CDH20: variants seen among roughly 807,000 people sequenced by gnomAD.
CDH20 encodes the protein cadherin 20.
A neutral mutation model predicts 74.2 loss-of-function variants in CDH20; 29 were observed. The ratio of observed to expected loss-of-function variants is 0.39; its 90% confidence interval spans 0.29 to 0.53. CDH20 has a LOEUF of 0.53. Among genes scored for constraint, CDH20 ranks in the 20% least tolerant of loss-of-function variants. The pLI is 0.69. For missense variants in CDH20, 988 were observed against 1,048.3 expected (o/e 0.94, Z 0.79); for synonymous variants, 469 against 405.4 (o/e 1.16, Z -1.88).
chr18:61,450,490 A>G (rs1005913485), intron 1 of CDH20, among the ~76,000 whole-genome samples: 11 of 152,052 alleles, frequency 7.2e-5, no homozygotes, highest in African/African-American at 2.4e-4. Flanking sequence ...ACTTAGTTTC[A>G]AGTCTAAAGC....
intron 1 of CDH20, among the ~76,000 whole-genome samples, chr18:61,365,099 A>G (rs992155221): frequency 3.3e-5 from 5 of 152,184 alleles, no homozygotes; most frequent in African/African-American, 1.2e-4. Context: ...CTGCCACCCC[A>G]ATAGATCTTA....
chr18:61,407,992 G>A (rs960246482), intron 1 of CDH20, among the ~76,000 whole-genome samples: 1 of 152,186 alleles, frequency 6.6e-6, no homozygotes, highest in Non-Finnish European at 1.5e-5. Flanking sequence ...GGTTATATAT[G>A]TAAGATGTTA....
At chr18:61,414,465 A>AT (rs931109060) in intron 1 of CDH20, among the ~76,000 whole-genome samples, 1 of 152,158 alleles carries the variant, frequency 6.6e-6, no homozygotes, top group Non-Finnish European at 1.5e-5. Flanking sequence ...GTTTAATTAG[A>AT]TTTTTTATAG....
chr18:61,407,565 C>T (rs1912371276), intron 1 of CDH20, among the ~76,000 whole-genome samples: 1 of 152,054 alleles, frequency 6.6e-6, no homozygotes. Context: ...TGCCATTTAC[C>T]CTCAGAGAAA....
intron 1 of CDH20, among the ~76,000 whole-genome samples, chr18:61,378,460 C>T (rs914023646): frequency 6.6e-6 from 1 of 152,164 alleles, no homozygotes; most frequent in Non-Finnish European, 1.5e-5. Context: ...TCTATTCAGG[C>T]ATCCAACGGA....
chr18:61,385,773 T>C (rs1206771154), intron 1 of CDH20, among the ~76,000 whole-genome samples: 1 of 151,726 alleles, frequency 6.6e-6, no homozygotes, highest in Non-Finnish European at 1.5e-5. Context: ...CTACTAAAAA[T>C]ACAAAAATTA....
rs1365327905 is a variant in CDH20 at position 61,555,272 on chromosome 18, T to C, written c.*577T>C. On this transcript the variant is annotated 3_prime_UTR_variant, in exon 12 of 12. Transcript: ENST00000262717. ...AGGTTAAGACTGAATCAGCCTTGCA[T>C]GGGGGTGGATGGGTGGGAGGGTGGG... The C allele has an allele frequency of 1.1e-4, 3 of 26,632 alleles. No homozygotes were observed. The highest frequency in any genetic ancestry group is 1.6e-4 in the Non-Finnish European group (3 of 19,248). The allele number at this position is 26,632 out of a possible 1,614,324, so 1.6% of individuals were successfully genotyped here.
chr18:61,458,414 T>A (rs930865040), intron 1 of CDH20, among the ~76,000 whole-genome samples: 1 of 152,158 alleles, frequency 6.6e-6, no homozygotes, highest in South Asian at 2.1e-4. Context: ...GTCAGGAAAG[T>A]TGCCCATCAA....
chr18:61,339,727 G>C lies in CDH20; in HGVS notation c.-153+5900G>C, dbSNP rs181393232. Among the ~76,000 whole-genome samples, 39 of 118,592 alleles carry C rather than the reference G, an allele frequency of 3.3e-4. No individual in the cohort carries two copies. The East Asian group carries it at 9.7e-3, about 30-fold the overall frequency. 77.8% of individuals were successfully genotyped at this position (118,592 alleles called of 152,430 possible). A position where few individuals can be genotyped will look rare whatever the true frequency, so the allele number is the denominator to read the frequency against. ...TTTTGAGATGGAGTCTCGCTCTGTC[G>C]CCTAGGCTGGAGTGCAGTGGCATGA... On this transcript the variant is annotated intron_variant, in intron 1 of 11. Coordinates refer to ENST00000262717, the MANE Select transcript of CDH20 (RefSeq NM_031891.4).
intron 1 of CDH20, among the ~76,000 whole-genome samples, chr18:61,412,977 A>G (rs530520140): frequency 1.3e-5 from 2 of 152,196 alleles, no homozygotes; most frequent in African/African-American, 4.8e-5. Context: ...AATAGTCACA[A>G]TTAACTTTTG....
intron 1 of CDH20, among the ~76,000 whole-genome samples, chr18:61,345,552 C>T (rs1599027083): frequency 1.3e-5 from 2 of 152,158 alleles, no homozygotes; most frequent in African/African-American, 4.8e-5. Context: ...ATTAGGGTAC[C>T]ATTCCTTCAT....
At position 61,344,972 on chromosome 18, in the gene CDH20, G is replaced by GA. The variant is rs986735915; in HGVS notation, c.-153+11149dup. 2.6e-4 allele frequency among the ~76,000 whole-genome samples: 39 copies of GA among 152,198 alleles called. No individual in the cohort carries two copies. The East Asian group carries it at 5.0e-3, about 20-fold the overall frequency. ...CATTTCATAAAACCAAACTGACTTT[G>GA]AAAACTACTTTCTCTGCCTTTATCA... is the stretch of plus-strand genomic sequence containing the variant. On this transcript the variant is annotated intron_variant, in intron 1 of 11. Coordinates refer to ENST00000262717, the MANE Select transcript of CDH20 (RefSeq NM_031891.4).
rs1599164082 is a variant in CDH20, at chr18:61,550,215, T to C, written c.1886T>C (p.Ile629Thr). Reference protein sequence around the residue: ...RGALIAILACIFVLLVLVLLI... With the variant: ...RGALIAILACTFVLLVLVLLI... ...GCCCTCATTGCCATCCTCGCCTGCATCTTTGTCCTCTTAGGTGAGTAAGGG... is the reference window on the plus strand; with the variant it reads ...GCCCTCATTGCCATCCTCGCCTGCACCTTTGTCCTCTTAGGTGAGTAAGGG... Residue 629 changes from isoleucine to threonine, a missense_variant, in exon 11 of 12, where the codon ATC becomes ACC. Ile to Thr is a moderately conservative substitution (Grantham distance 89). This residue lies in a region of CDH20 where 375 missense variants were observed against 293.1 expected (regional missense o/e 1.28). Coordinates refer to ENST00000262717, the MANE Select transcript of CDH20 (RefSeq NM_031891.4). The C allele has an allele frequency of 1.9e-6, 3 of 1,613,542 alleles. No homozygotes were observed. Among genetic ancestry groups the C allele is most frequent in the Non-Finnish European group, 2.5e-6 (3 of 1,179,836 alleles).
At chr18:61,375,664 G>C (rs952229414) in intron 1 of CDH20, among the ~76,000 whole-genome samples, 5 of 152,032 alleles carry the variant, frequency 3.3e-5, no homozygotes, top group African/African-American at 1.2e-4. Context: ...ATCCTTTAAA[G>C]ACCAACTCAA....
In CDH20 at chr18:61,488,887, T is replaced by C. The variant is rs1251549956; in HGVS notation, c.-152-1515T>C. On this transcript the variant is annotated intron_variant, in intron 1 of 11. Transcript: ENST00000262717. ...GGATCAGAGAAACATGAACTGGGCT[T>C]CTCTGTTCCCTAAGGGAAGATGTCC... Among the ~76,000 whole-genome samples the C allele has an allele frequency of 2.0e-5, 3 of 152,174 alleles. No individual in the cohort carries two copies. The East Asian group carries it at 5.8e-4, about 29-fold the overall frequency.
At chr18:61,405,191 C>A in intron 1 of CDH20, 1 of 464,764 alleles carries the variant, frequency 2.2e-6, no homozygotes, top group East Asian at 5.3e-5. Context: ...TTTTTGTCTT[C>A]TTTGCAGCCA....
At chr18:61,395,423 G>A in intron 1 of CDH20, among the ~76,000 whole-genome samples, 1 of 152,134 alleles carries the variant, frequency 6.6e-6, no homozygotes, top group East Asian at 1.9e-4. Flanking sequence ...ATCTTCATCT[G>A]CACCTTAATG....
rs371247064 is a variant in CDH20 at position 61,500,510 on chromosome 18, A to T, written c.661+8A>T. On this transcript the variant is annotated splice_region_variant and intron_variant, in intron 4 of 11. Coordinates refer to ENST00000262717, the MANE Select transcript of CDH20 (RefSeq NM_031891.4). ...CTGTGGACTCTAAAACAGGTATCTG[A>T]TACAAGGGTCGAGTCAGAGGTGTTT... is the stretch of plus-strand genomic sequence containing the variant. The T allele has an allele frequency of 3.7e-6, 6 of 1,604,814 alleles. No individual in the cohort carries two copies. The highest frequency in any genetic ancestry group is 4.3e-6 in the Non-Finnish European group (5 of 1,174,372).
intron 1 of CDH20, among the ~76,000 whole-genome samples, chr18:61,421,306 T>C (rs1912870373): frequency 6.6e-6 from 1 of 152,156 alleles, no homozygotes; most frequent in Admixed American, 6.5e-5. Flanking sequence ...ACTAGTGTAA[T>C]CTAATCCATG....
Sources: gnomAD v4.1 joint callset for allele counts (sites outside exome capture counted in the v4.1 genomes callset) on GRCh38, gnomAD v4.1.1 for gene constraint, gnomAD v4.1.1 regional missense constraint, MANE v1.5 for transcripts, NCBI Gene and HGNC (gene_info 2026-07-23, HGNC 2026-07-21) for gene names.